CPNE8: variants seen among roughly 807,000 people sequenced by gnomAD.
CPNE8 encodes the protein copine 8, also known as copine-8.
In CPNE8, 45 loss-of-function variants were observed where a neutral mutation model predicts 81.5. That is an observed-to-expected ratio of 0.55 (90% CI 0.44 to 0.71). The LOEUF is 0.71. Among genes scored for constraint, CPNE8 ranks in the 30% least tolerant of loss-of-function variants. CPNE8 has a pLI of 0.00. For missense variants in CPNE8, 594 were observed against 672.1 expected (o/e 0.88, Z 1.28); for synonymous variants, 252 against 226.3 (o/e 1.11, Z -1.02).
At chr12:38,874,381 T>G (rs1162112404) in intron 2 of CPNE8, 90 bp downstream of exon 2, 1 of 991,434 alleles carries the variant, frequency 1.0e-6, no homozygotes, top group African/African-American at 1.6e-5. Flanking sequence ...TTTCTAGGCT[T>G]TAAAACAAAC....
intron 14 of CPNE8, among the ~76,000 whole-genome samples, chr12:38,697,683 G>A (rs1342061869): frequency 6.6e-6 from 1 of 152,104 alleles, no homozygotes; most frequent in South Asian, 2.1e-4. Flanking sequence ...GGTGGGAGGT[G>A]TTTAGGTCAT....
In CPNE8 at chr12:38,861,191, TAAA is replaced by T. The variant is rs1943828134; in HGVS notation, c.186+11810_186+11812del. Among the ~76,000 whole-genome samples the T allele has an allele frequency of 2.0e-5, 3 of 151,774 alleles. No individual in the cohort carries two copies. In the South Asian group the frequency reaches 6.2e-4, roughly 31 times the overall value. ...ATGAGGTATCTAAAATAGTCAAACT[TAAA>T]GAAACAGCACAGAATGGTGGGTGCC... On this transcript the variant is annotated intron_variant, in intron 3 of 19. Coordinates refer to ENST00000331366, the MANE Select transcript of CPNE8 (RefSeq NM_153634.3).
intron 5 of CPNE8, among the ~76,000 whole-genome samples, chr12:38,832,002 GAC>G (rs1943295903): frequency 1.3e-5 from 2 of 152,160 alleles, no homozygotes; most frequent in African/African-American, 4.8e-5. Flanking sequence ...TTAATATGGA[GAC>G]ACACTAACAA....
At chr12:38,864,121 A>T (rs1943882923) in intron 3 of CPNE8, among the ~76,000 whole-genome samples, 1 of 152,034 alleles carries the variant, frequency 6.6e-6, no homozygotes, top group South Asian at 2.1e-4. Context: ...ACTATACAGG[A>T]GGCCCCTGTC....
chr12:38,756,982 CAT>C (rs1375171466), intron 10 of CPNE8, among the ~76,000 whole-genome samples: 1 of 152,014 alleles, frequency 6.6e-6, no homozygotes, highest in African/African-American at 2.4e-5. Context: ...ATTCTGGAAA[CAT>C]GGGATTAAAT....
chr12:38,840,936 G>C (rs1382916482), intron 4 of CPNE8, among the ~76,000 whole-genome samples: 1 of 152,126 alleles, frequency 6.6e-6, no homozygotes, highest in Non-Finnish European at 1.5e-5. Flanking sequence ...ACTGACTACA[G>C]TCTTTCTCCC....
intron 10 of CPNE8, among the ~76,000 whole-genome samples, chr12:38,757,512 T>A (rs1425171315): frequency 6.6e-6 from 1 of 151,958 alleles, no homozygotes; most frequent in Non-Finnish European, 1.5e-5. Flanking sequence ...GTATTATATT[T>A]TATTGGAGAC....
intron 13 of CPNE8, among the ~76,000 whole-genome samples, chr12:38,718,605 C>A (rs1279067528): frequency 6.6e-6 from 1 of 152,086 alleles, no homozygotes; most frequent in Non-Finnish European, 1.5e-5. Context: ...AATATAAATT[C>A]TTAGAGTATT....
intron 6 of CPNE8, among the ~76,000 whole-genome samples, chr12:38,823,240 C>T (rs942232329): frequency 1.3e-5 from 2 of 152,166 alleles, no homozygotes; most frequent in African/African-American, 4.8e-5. Flanking sequence ...TTCCTTTCTG[C>T]TCTGTTCCTC....
intron 6 of CPNE8, among the ~76,000 whole-genome samples, chr12:38,827,899 T>C (rs952956654): frequency 6.6e-6 from 1 of 152,100 alleles, no homozygotes; most frequent in African/African-American, 2.4e-5. Context: ...GATGAAATAA[T>C]CTGTATGCCA....
chr12:38,805,975 C>A (rs1283031057), intron 6 of CPNE8, among the ~76,000 whole-genome samples: 1 of 150,220 alleles, frequency 6.7e-6, no homozygotes, highest in Admixed American at 6.6e-5. Context: ...CTACAAACAC[C>A]TCTACGCAAA....
chr12:38,790,068 G>T (rs556616505), intron 6 of CPNE8, among the ~76,000 whole-genome samples: 6 of 151,634 alleles, frequency 4.0e-5, no homozygotes, highest in Non-Finnish European at 8.9e-5. Flanking sequence ...TAGAGCTATC[G>T]TAAGATCCAA....
chr12:38,809,702 A>T (rs566701261), intron 6 of CPNE8, among the ~76,000 whole-genome samples: 2 of 152,300 alleles, frequency 1.3e-5, no homozygotes, highest in South Asian at 2.1e-4. Flanking sequence ...ACACAAATTC[A>T]GTTCAAAAAT....
chr12:38,790,044 C>A (rs2136925945), intron 6 of CPNE8, among the ~76,000 whole-genome samples: 1 of 151,678 alleles, frequency 6.6e-6, no homozygotes, highest in Admixed American at 6.6e-5. Context: ...GGGGATTACT[C>A]AAAAAACTAA....
In CPNE8 at chr12:38,905,492, T is replaced by TA; in HGVS notation, c.42_43insT (p.Asn15Ter). On this transcript the variant is annotated frameshift_variant, in exon 1 of 20. Coordinates refer to ENST00000331366, the MANE Select transcript of CPNE8 (RefSeq NM_153634.3). LOFTEE classifies it high-confidence loss of function. ...GCCGGGATGGCAGCGCTCAGCTGGT[T>TA]CAAGTCCCCGATGCCCGCAGTGCTG... The TA allele has an allele frequency of 6.3e-7, 1 of 1,576,688 alleles. No homozygotes were observed. Among genetic ancestry groups the TA allele is most frequent in the Non-Finnish European group, 8.6e-7 (1 of 1,161,060 alleles).
Position 38,685,522 on chromosome 12 carries a change from G to C in CPNE8, c.1239C>G (p.Thr413=). ...SLKSVQLYGP[T]NFAPVINHVA... is the part of the protein sequence containing the mutation. ...CATGATTAATTACAGGAGCAAAGTT[G>C]GTGGGCCCATATAGTTGTACAGATT... The change falls in exon 16 of 20, where the codon ACC becomes ACG. Residue 413 remains threonine (T), a synonymous_variant. Coordinates refer to ENST00000331366, the MANE Select transcript of CPNE8 (RefSeq NM_153634.3). 1 of 1,613,336 alleles carries C rather than the reference G, an allele frequency of 6.2e-7. No homozygotes were observed. The highest frequency in any genetic ancestry group is 8.5e-7 in the Non-Finnish European group (1 of 1,179,516).
intron 10 of CPNE8, among the ~76,000 whole-genome samples, chr12:38,753,277 C>T (rs904368235): frequency 6.6e-6 from 1 of 151,922 alleles, no homozygotes; most frequent in African/African-American, 2.4e-5. Context: ...CATGGTGAAA[C>T]CCCGTCTCTA....
chr12:38,902,362 A>AAGAAAGAAAGGAAAG (rs1944489801), intron 1 of CPNE8, among the ~76,000 whole-genome samples: 1 of 95,254 alleles, frequency 1.0e-5, no homozygotes, highest in Non-Finnish European at 1.9e-5. Context: ...GAAAGAAAGA[A>AAGAAAGAAAGGAAAG]AGAAAGAAAG....
At chr12:38,852,067 T>C (rs768595261) in intron 3 of CPNE8, among the ~76,000 whole-genome samples, 12 of 152,182 alleles carry the variant, frequency 7.9e-5, no homozygotes, top group Non-Finnish European at 2.9e-5. Context: ...GGTGCTCCAT[T>C]CTTAGTCTCT....
Sources: allele counts gnomAD v4.1 joint callset (sites outside exome capture counted in the v4.1 genomes callset), GRCh38; gene constraint gnomAD v4.1.1; transcripts MANE v1.5; gene names NCBI Gene and HGNC (gene_info 2026-07-23, HGNC 2026-07-21).